The following EZH2 variants were observed in gnomAD, a reference collection of about 807,000 sequenced individuals.
EZH2 encodes the protein enhancer of zeste 2 polycomb repressive complex 2 subunit, also known as histone-lysine N-methyltransferase EZH2.
A neutral mutation model predicts 98.4 loss-of-function variants in EZH2; 18 were observed. That is an observed-to-expected ratio of 0.18 (90% CI 0.13 to 0.27). The LOEUF is 0.27. Among genes scored for constraint, EZH2 ranks in the 10% least tolerant of loss-of-function variants. EZH2 has a pLI of 1.00. For synonymous variants in EZH2, 338 were observed against 312.3 expected (o/e 1.08, Z -0.87); for missense variants, 470 against 935.1 (o/e 0.50, Z 6.49).
chr7:148,878,598 T>TA (rs1416736135), intron 1 of EZH2, among the ~76,000 whole-genome samples: 1 of 152,234 alleles, frequency 6.6e-6, no homozygotes, highest in Non-Finnish European at 1.5e-5. Flanking sequence ...AGGTGGTTCT[T>TA]ACAAATATTA....
chr7:148,834,742 C>G (rs1585064528), intron 3 of EZH2, among the ~76,000 whole-genome samples: 1 of 152,200 alleles, frequency 6.6e-6, no homozygotes, highest in Non-Finnish European at 1.5e-5. Context: ...CAATCTTTCC[C>G]CTTCCTGCTA....
At chr7:148,879,226 A>AAAAAAC (rs149467457) in intron 1 of EZH2, among the ~76,000 whole-genome samples, 1,864 of 143,416 alleles carry the variant, frequency 0.013, 35 homozygotes, top group African/African-American at 0.052. Context: ...ACTCCATATC[A>AAAAAAC]AAAAACAAAA....
chr7:148,849,417 A>T (rs918559798), intron 1 of EZH2, among the ~76,000 whole-genome samples: 5 of 152,234 alleles, frequency 3.3e-5, no homozygotes, highest in African/African-American at 9.6e-5. Flanking sequence ...GGAGAATGAA[A>T]GTCACAAATT....
intron 1 of EZH2, among the ~76,000 whole-genome samples, chr7:148,872,427 G>C (rs552679501): frequency 6.6e-6 from 1 of 152,264 alleles, no homozygotes; most frequent in South Asian, 2.1e-4. Flanking sequence ...CAATGTGAAT[G>C]TATTTAACAC....
rs1183701531 is a variant in EZH2, at chr7:148,881,968, GCGCGCACA to G, written c.-8+2188_-8+2195del. Among the ~76,000 whole-genome samples, 285 of 93,708 alleles carry G rather than the reference GCGCGCACA, an allele frequency of 3.0e-3. 2 individuals are homozygous for G. Among genetic ancestry groups the G allele is most frequent in the South Asian group, 0.011 (31 of 2,744 alleles). 61.5% of individuals were successfully genotyped at this position (93,708 alleles called of 152,430 possible). Reference sequence around the variant, plus strand: ...AAAACATATACACACACACACACGCGCGCGCACACACACACACACACACACACACACAT... The same window carrying G: ...AAAACATATACACACACACACACGCGCACACACACACACACACACACACAT... On this transcript the variant is annotated intron_variant, in intron 1 of 19. Transcript: ENST00000320356.
chr7:148,851,700 A>G (rs77131676), intron 1 of EZH2, among the ~76,000 whole-genome samples: 2 of 152,232 alleles, frequency 1.3e-5, no homozygotes, highest in East Asian at 1.9e-4. Flanking sequence ...TCCCATCTCA[A>G]ATCAATAAAT....
intron 8 of EZH2, 31 bp from the exon 9 acceptor site, chr7:148,819,718 A>G (rs777224074): frequency 2.5e-6 from 4 of 1,578,774 alleles, no homozygotes; most frequent in Middle Eastern, 1.7e-4. Flanking sequence ...AGAATCTAAT[A>G]TAACTATAAA....
At chr7:148,863,819 GTCAATAATAATTT>G (rs1818055835) in intron 1 of EZH2, among the ~76,000 whole-genome samples, 1 of 152,198 alleles carries the variant, frequency 6.6e-6, no homozygotes, top group Non-Finnish European at 1.5e-5. Flanking sequence ...TTATCAAGCA[GTCAATAATAATTT>G]ACTGAGCATT....
At chr7:148,881,933 C>CAAA (rs11412628) in intron 1 of EZH2, among the ~76,000 whole-genome samples, 4 of 122,122 alleles carry the variant, frequency 3.3e-5, no homozygotes, top group African/African-American at 9.2e-5. Context: ...GGCTCTGTCT[C>CAAA]AAAAAAAAAA....
Position 148,883,814 on chromosome 7 carries a change from C to A in EZH2, c.-8+350G>T, listed in dbSNP as rs532996283. Among the ~76,000 whole-genome samples the A allele has an allele frequency of 4.6e-4, 70 of 152,022 alleles. 1 individual carries two copies. In the South Asian group the frequency reaches 0.014, roughly 31 times the overall value. On this transcript the variant is annotated intron_variant, in intron 1 of 19. Coordinates refer to ENST00000320356, the MANE Select transcript of EZH2 (RefSeq NM_004456.5). ...AGGAGACTTGAGGCTCGAGCTGCCACCCTGGACCGGGCACCGGAACGCCCC... is the reference window on the plus strand; with the variant it reads ...AGGAGACTTGAGGCTCGAGCTGCCAACCTGGACCGGGCACCGGAACGCCCC...
At chr7:148,833,800 GAAAAGAAAGGAT>G (rs1240809626) in intron 3 of EZH2, among the ~76,000 whole-genome samples, 1 of 152,098 alleles carries the variant, frequency 6.6e-6, no homozygotes, top group African/African-American at 2.4e-5. Context: ...GAAAACTATA[GAAAAGAAAGGAT>G]AAGTAGCTTG....
intron 1 of EZH2, chr7:148,883,094 G>A (rs116791925): frequency 2.0e-5 from 3 of 152,206 alleles, no homozygotes; most frequent in African/African-American, 7.2e-5. Context: ...AATGACAGTT[G>A]ATTTCGTTAG....
chr7:148,835,217 C>T (rs188957575), intron 3 of EZH2, among the ~76,000 whole-genome samples: 119 of 152,130 alleles, frequency 7.8e-4, no homozygotes, highest in African/African-American at 2.8e-3. Context: ...CCCAGAAGTT[C>T]AAGACCAGCC....
intron 3 of EZH2, among the ~76,000 whole-genome samples, chr7:148,842,626 G>A (rs1030440651): frequency 3.9e-5 from 6 of 152,152 alleles, no homozygotes; most frequent in Admixed American, 1.3e-4. Context: ...AGAAATAAAC[G>A]TAAAACAGAT....
At chr7:148,828,034 C>T (rs889535540) in intron 6 of EZH2, among the ~76,000 whole-genome samples, 2 of 152,206 alleles carry the variant, frequency 1.3e-5, no homozygotes, top group African/African-American at 4.8e-5. Flanking sequence ...AGGAGAATGG[C>T]GTGAACCCAG....
In EZH2 at chr7:148,807,460, C is replaced by T; in HGVS notation, c.*186G>A. On this transcript the variant is annotated 3_prime_UTR_variant, in exon 20 of 20. Transcript: ENST00000320356. ...ATTGCAAAAATTCACTGGTACAAAACACTTTGCAGCTGGTGAGAAGGCAAT... is the reference window on the plus strand; with the variant it reads ...ATTGCAAAAATTCACTGGTACAAAATACTTTGCAGCTGGTGAGAAGGCAAT... The T allele has an allele frequency of 1.7e-6, 1 of 591,620 alleles. No individual in the cohort carries two copies. Among genetic ancestry groups the T allele is most frequent in the Non-Finnish European group, 3.0e-6 (1 of 331,000 alleles). 36.6% of individuals were successfully genotyped at this position (591,620 alleles called of 1,614,324 possible). A position where few individuals can be genotyped will look rare whatever the true frequency, so the allele number is the denominator to read the frequency against.
chr7:148,858,706 A>AT (rs1817221190), intron 1 of EZH2, among the ~76,000 whole-genome samples: 2 of 151,896 alleles, frequency 1.3e-5, no homozygotes, highest in Admixed American at 1.3e-4. Context: ...TTTTTAATTT[A>AT]TTTTTTGTAG....
At chr7:148,831,939 C>T (rs2129477831) in intron 4 of EZH2, among the ~76,000 whole-genome samples, 1 of 152,330 alleles carries the variant, frequency 6.6e-6, no homozygotes, top group African/African-American at 2.4e-5. Context: ...TCATGTTTCA[C>T]AAGCCCTATG....
At chr7:148,841,604 C>T (rs1264105583) in intron 3 of EZH2, among the ~76,000 whole-genome samples, 1 of 152,098 alleles carries the variant, frequency 6.6e-6, no homozygotes, top group Non-Finnish European at 1.5e-5. Context: ...ACCTATAGGG[C>T]CTATAATCCT....
Sources: gnomAD v4.1 joint callset for allele counts (sites outside exome capture counted in the v4.1 genomes callset) on GRCh38, gnomAD v4.1.1 for gene constraint, MANE v1.5 for transcripts, NCBI Gene and HGNC (gene_info 2026-07-23, HGNC 2026-07-21) for gene names.